The following EP300 variants were observed in gnomAD, a reference collection of about 807,000 sequenced individuals.
EP300 encodes the protein EP300 lysine acetyltransferase, also known as histone acetyltransferase p300.
A neutral mutation model predicts 264.0 loss-of-function variants in EP300; 31 were observed. That is an observed-to-expected ratio of 0.12 (90% CI 0.09 to 0.16). The LOEUF (loss-of-function observed/expected upper bound fraction) is 0.16, where lower values mean the gene tolerates loss of function less well. Among genes scored for constraint, EP300 ranks in the 10% least tolerant of loss-of-function variants. EP300 has a pLI of 1.00. For missense variants in EP300, 2,766 were observed against 3,052.9 expected, an observed-to-expected ratio of 0.91 and a Z score of 2.21; for synonymous variants, 1,340 against 1,045.4, an observed-to-expected ratio of 1.28 and a Z score of -5.44.
intron 4 of EP300, among the ~76,000 whole-genome samples, chr22:41,129,323 C>T (rs1011019351): frequency 1.3e-5 from 2 of 152,098 alleles, no homozygotes; most frequent in African/African-American, 2.4e-5. Flanking sequence ...AACACACTAT[C>T]GTTTTTGTGA....
At chr22:41,102,024 C>CTTTTTTTTTT (rs2058734555) in intron 1 of EP300, among the ~76,000 whole-genome samples, 1 of 126,598 alleles carries the variant, frequency 7.9e-6, no homozygotes. Context: ...GCTTTTTTTT[C>CTTTTTTTTTT]TTTTCTTTTT....
rs2145752453 is a variant in EP300 at position 41,160,682 on chromosome 22, G to A, written c.3631G>A (p.Glu1211Lys). Residue 1211 changes from glutamate to lysine, a missense_variant, in exon 20 of 31, where the codon GAG becomes AAG. Physicochemically the swap from Glu to Lys is moderately conservative, Grantham distance 56. Transcript: ENST00000263253. ...CEKCFNEIQGESVSLGDDPSQ... is the reference protein window; with the variant it reads ...CEKCFNEIQGKSVSLGDDPSQ... ...GAAGTGTTTCAATGAGATCCAAGGG[G>A]AGAGCGTTTCTTTGGGGGATGACCC... 1 of 1,614,112 alleles carries A rather than the reference G, an allele frequency of 6.2e-7. No individual in the cohort carries two copies. Among genetic ancestry groups the A allele is most frequent in the Non-Finnish European group, 8.5e-7 (1 of 1,180,002 alleles).
chr22:41,178,201 C>T lies in EP300; in HGVS notation c.6490C>T (p.Gln2164Ter). 1 of 1,614,176 alleles carries T rather than the reference C, an allele frequency of 6.2e-7. No individual in the cohort carries two copies. Residue 2164 changes from glutamine to a stop codon, truncating the protein, a stop_gained, in exon 31 of 31, where the codon CAG becomes TAG. Transcript: ENST00000263253. LOFTEE classifies it high-confidence loss of function. The stretch of plus-strand genomic sequence containing the variant: ...GCCACCCATGGGAGGGATGAGCCCC[C>T]AGGCTCAGCAGATGAACATGAACCA... Reference protein sequence around the residue: ...LQPPMGGMSPQAQQMNMNHNT... With the variant: ...LQPPMGGMSP
chr22:41,105,588 G>T (rs1009604577), intron 1 of EP300, among the ~76,000 whole-genome samples: 3 of 151,822 alleles, frequency 2.0e-5, no homozygotes, highest in African/African-American at 4.8e-5. Context: ...TAGTAGAGAT[G>T]GGGTTTCACT....
In EP300 at chr22:41,164,035, T is replaced by C; in HGVS notation, c.3729-18T>C. On this transcript the variant is annotated intron_variant, in intron 21 of 30. Transcript: ENST00000263253. ...TTAAGGTTTGGGGTTAATTTTGGAA[T>C]TGGCTCTGCTCTTCCAGGTTTGTTG... The C allele has an allele frequency of 1.2e-6, 2 of 1,612,888 alleles. No individual in the cohort carries two copies. Among genetic ancestry groups the C allele is most frequent in the Non-Finnish European group, 1.7e-6 (2 of 1,178,834 alleles).
At chr22:41,167,139 A>G (rs1345950655) in intron 23 of EP300, among the ~76,000 whole-genome samples, 1 of 152,242 alleles carries the variant, frequency 6.6e-6, no homozygotes, top group African/African-American at 2.4e-5. Context: ...CTGGGACTAC[A>G]GGCATGTGCC....
rs1569119045 is a variant in EP300 at position 41,173,706 on chromosome 22, CAAG to C, written c.4707_4709del (p.Lys1570del). 6.2e-7 allele frequency: 1 copy of C among 1,614,126 alleles called. No individual in the cohort carries two copies. Among genetic ancestry groups the C allele is most frequent in the Admixed American group, 1.7e-5 (1 of 60,016 alleles). ...ATAAGAGCAGCCTGAGTAGGGGCAA[CAAG>C]AAGAAACCCGGGATGCCCAATGTAT... On this transcript the variant is annotated inframe_deletion, in exon 29 of 31. Coordinates refer to ENST00000263253, the MANE Select transcript of EP300 (RefSeq NM_001429.4).
intron 2 of EP300, among the ~76,000 whole-genome samples, chr22:41,120,859 CA>C (rs2058848462): frequency 1.3e-5 from 2 of 152,200 alleles, no homozygotes; most frequent in Non-Finnish European, 1.5e-5. Context: ...GCTAGTACTA[CA>C]AGGACTGTCA....
intron 1 of EP300, among the ~76,000 whole-genome samples, chr22:41,107,333 A>C (rs957969241): frequency 6.6e-6 from 1 of 152,178 alleles, no homozygotes; most frequent in Non-Finnish European, 1.5e-5. Context: ...TAATGAACAC[A>C]GTTTAAGAGA....
In EP300 at chr22:41,117,639, G is replaced by A; in HGVS notation, c.547G>A (p.Gly183Arg). ...TCCTGGAATGTTGGCTGCAGGCAAT[G>A]GACAAGGGATAATGCCTAATCAAGT... ...MNPGMLAAGN[G>R]QGIMPNQVMN... The change falls in exon 2 of 31, where the codon GGA becomes AGA. Residue 183 changes from glycine to arginine, a missense_variant. Gly to Arg is a moderately radical substitution (Grantham distance 125). Transcript: ENST00000263253. 1 of 1,614,224 alleles carries A rather than the reference G, an allele frequency of 6.2e-7. No individual in the cohort carries two copies. Among genetic ancestry groups the A allele is most frequent in the Non-Finnish European group, 8.5e-7 (1 of 1,180,036 alleles).
intron 19 of EP300, 33 bp downstream of exon 19, chr22:41,158,533 G>T (rs766848539): frequency 6.5e-7 from 1 of 1,547,768 alleles, no homozygotes; most frequent in Admixed American, 1.7e-5. Context: ...CATGGTCCAT[G>T]TGTCCACATG....
chr22:41,152,825 T>G (rs1048892361), intron 16 of EP300, among the ~76,000 whole-genome samples: 4 of 152,166 alleles, frequency 2.6e-5, no homozygotes, highest in African/African-American at 9.7e-5. Context: ...TGGCGGGATC[T>G]GAGCTCACTG....
At chr22:41,107,033 A>C (rs970898093) in intron 1 of EP300, among the ~76,000 whole-genome samples, 3 of 152,054 alleles carry the variant, frequency 2.0e-5, no homozygotes, top group Non-Finnish European at 4.4e-5. Context: ...CAGCCTCCTG[A>C]GTAGCTGGGA....
chr22:41,147,387 C>T (rs2145733316), intron 11 of EP300, among the ~76,000 whole-genome samples: 1 of 151,552 alleles, frequency 6.6e-6, no homozygotes. Context: ...TTTACTGCTA[C>T]TGTGAATGAG....
intron 10 of EP300, among the ~76,000 whole-genome samples, chr22:41,145,942 GT>G (rs1201793682): frequency 1.3e-5 from 2 of 151,920 alleles, no homozygotes; most frequent in African/African-American, 4.8e-5. Flanking sequence ...AATTATTTCT[GT>G]TTTTGTATTT....
At chr22:41,112,709 G>GTT (rs879598743) in intron 1 of EP300, among the ~76,000 whole-genome samples, 232 of 68,278 alleles carry the variant, frequency 3.4e-3, no homozygotes, top group Admixed American at 0.021. Context: ...TTTTTATATT[G>GTT]TTTTTTTTTT....
chr22:41,134,939 ACT>A (rs2058941870), intron 6 of EP300, among the ~76,000 whole-genome samples: 1 of 150,160 alleles, frequency 6.7e-6, no homozygotes, highest in African/African-American at 2.5e-5. Context: ...ACAACATCTC[ACT>A]CTGTCGCCCA....
intron 10 of EP300, among the ~76,000 whole-genome samples, chr22:41,144,078 C>T (rs1378178502): frequency 6.6e-6 from 1 of 151,964 alleles, no homozygotes; most frequent in East Asian, 1.9e-4. Flanking sequence ...TGCAAAGATA[C>T]GAAGTTTCAG....
At chr22:41,117,860 A>G (rs764599470) in intron 2 of EP300, 39 bp downstream of exon 2, 9 of 1,612,274 alleles carry the variant, frequency 5.6e-6, no homozygotes, top group African/African-American at 1.3e-5. Context: ...ATCGGCATGC[A>G]TGTGAGTATT....
Sources: allele counts gnomAD v4.1 joint callset (sites outside exome capture counted in the v4.1 genomes callset), GRCh38; gene constraint gnomAD v4.1.1; transcripts MANE v1.5; gene names NCBI Gene and HGNC (gene_info 2026-07-23, HGNC 2026-07-21).